APLP2: variants seen among roughly 807,000 people sequenced by gnomAD.
The protein encoded by APLP2 is CDEI box-binding protein.
Under a neutral mutation model 89.9 loss-of-function variants are expected in APLP2, and 53 were observed. The ratio of observed to expected loss-of-function variants is 0.59; its 90% CI spans 0.47 to 0.74. The LOEUF (loss-of-function observed/expected upper bound fraction) is 0.74, where lower values mean the gene tolerates loss of function less well. APLP2 is among the 30% of genes least tolerant of loss of function. The pLI, the probability that APLP2 is intolerant of heterozygous loss-of-function variation, is 0.00. For synonymous variants in APLP2, 372 were observed against 348.6 expected (o/e 1.07, Z -0.75); for missense variants, 973 against 975.9 (o/e 1.00, Z 0.04).
chr11:130,097,812 A>C (rs1946409726), intron 1 of APLP2, among the ~76,000 whole-genome samples: 1 of 152,260 alleles, frequency 6.6e-6, no homozygotes, highest in Non-Finnish European at 1.5e-5. Context: ...TTACAGAAGA[A>C]TAATTTTTAA....
rs75679966 is a variant in APLP2 at position 130,133,861 on chromosome 11, G to C, written c.1684+133G>C. The C allele has an allele frequency of 8.8e-4, 584 of 663,500 alleles. 3 individuals are homozygous for C. In the African/African-American group the frequency reaches 9.2e-3, roughly 10 times the overall value. The allele number at this position is 663,500 out of a possible 1,614,324, so 41.1% of individuals were successfully genotyped here. On this transcript the variant is annotated intron_variant, in intron 12 of 16. Coordinates refer to ENST00000338167, the MANE Select transcript of APLP2 (RefSeq NM_001142276.2). ...GGGGCATTAGCACATCCTGGCTTCA[G>C]AAGCCTGGAGTCCACTGGAGCTTTC...
At chr11:130,078,387 A>G (rs7941725) in intron 1 of APLP2, among the ~76,000 whole-genome samples, 5,160 of 150,728 alleles carry the variant, frequency 0.034, 273 homozygotes, top group African/African-American at 0.12. Context: ...GGTTATTAAG[A>G]TAATGCTGTT....
In APLP2 at chr11:130,128,489, C is replaced by T. The variant is rs143117504; in HGVS notation, c.1297-559C>T. Among the ~76,000 whole-genome samples the T allele has an allele frequency of 3.5e-3, 526 of 152,308 alleles. 1 individual carries two copies. The highest frequency in any genetic ancestry group is 0.012 in the African/African-American group (503 of 41,566). On this transcript the variant is annotated intron_variant, in intron 9 of 16. Transcript: ENST00000338167. The stretch of plus-strand genomic sequence containing the variant: ...TAACAGTTTTAATTCCTACAGAAGT[C>T]AGTGCATCTTGTTCAGGGAAATGTA...
chr11:130,107,760 A>G (rs548840171), intron 1 of APLP2, among the ~76,000 whole-genome samples: 61 of 152,342 alleles, frequency 4.0e-4, no homozygotes, highest in Non-Finnish European at 3.5e-4. Flanking sequence ...TTGCCAAGTC[A>G]ATCCTAAGCC....
At chr11:130,094,394 G>A (rs1945909418) in intron 1 of APLP2, among the ~76,000 whole-genome samples, 1 of 151,900 alleles carries the variant, frequency 6.6e-6, no homozygotes, top group Middle Eastern at 3.2e-3. Flanking sequence ...TTACGATGTT[G>A]GCCAGGCTGG....
chr11:130,073,154 G>C (rs1941451664), intron 1 of APLP2, among the ~76,000 whole-genome samples: 1 of 152,184 alleles, frequency 6.6e-6, no homozygotes, highest in Admixed American at 6.5e-5. Context: ...TGTACTGGAA[G>C]TGTAACATAC....
rs1952745644 is a variant in APLP2, at chr11:130,144,482, C to T, written c.*1034C>T. 6.6e-6 allele frequency: 1 copy of T among 152,340 alleles called. No individual in the cohort carries two copies. The highest frequency in any genetic ancestry group is 1.5e-5 in the Non-Finnish European group (1 of 68,112). The allele number at this position is 152,340 out of a possible 1,614,324, so 9.4% of individuals were successfully genotyped here. A position where few individuals can be genotyped will look rare whatever the true frequency, so the allele number is the denominator to read the frequency against. On this transcript the variant is annotated 3_prime_UTR_variant, in exon 17 of 17. Coordinates refer to ENST00000338167, the MANE Select transcript of APLP2 (RefSeq NM_001142276.2). Reference sequence around the variant, plus strand: ...AAAGTAGTCCAGGCTGTCCCTGAAACTGAGTCTGTGGACACTGTGGAAAGC... The same window carrying T: ...AAAGTAGTCCAGGCTGTCCCTGAAATTGAGTCTGTGGACACTGTGGAAAGC...
intron 1 of APLP2, among the ~76,000 whole-genome samples, chr11:130,107,476 A>T (rs1365970166): frequency 6.6e-6 from 1 of 152,234 alleles, no homozygotes; most frequent in Non-Finnish European, 1.5e-5. Context: ...TGCTTCAAAG[A>T]GAACAAAATA....
intron 1 of APLP2, among the ~76,000 whole-genome samples, chr11:130,098,160 A>G (rs1946456360): frequency 6.6e-6 from 1 of 152,036 alleles, no homozygotes; most frequent in African/African-American, 2.4e-5. Flanking sequence ...TAATCCCAGC[A>G]CTTTGGGAGG....
chr11:130,094,775 A>C (rs1945967020), intron 1 of APLP2, among the ~76,000 whole-genome samples: 1 of 152,220 alleles, frequency 6.6e-6, no homozygotes, highest in Admixed American at 6.5e-5. Context: ...AGAGGGAAGT[A>C]CTGAGTCAAA....
At chr11:130,074,396 A>C (rs1403645766) in intron 1 of APLP2, among the ~76,000 whole-genome samples, 1 of 152,032 alleles carries the variant, frequency 6.6e-6, no homozygotes, top group Non-Finnish European at 1.5e-5. Flanking sequence ...TTATATTTTT[A>C]GTAGAGACAG....
intron 1 of APLP2, among the ~76,000 whole-genome samples, chr11:130,078,747 C>G (rs1158349351): frequency 6.6e-6 from 1 of 152,102 alleles, no homozygotes; most frequent in African/African-American, 2.4e-5. Flanking sequence ...GGCTCTGTCA[C>G]CCTTGTAATC....
At position 130,141,517 on chromosome 11, in the gene APLP2, A is replaced by G. The variant is rs761694091; in HGVS notation, c.1943A>G (p.Asp648Gly). Residue 648 changes from aspartate to glycine, a missense_variant, in exon 15 of 17, where the codon GAT (aspartate) becomes GGT (glycine). Transcript: ENST00000338167. The surrounding 1 kb of genome is among the most constrained non-coding windows in gnomAD (Gnocchi z 4.2). The part of the protein sequence containing the change: ...DENMVIDETL[D>G]VKEMIFNAER... ...TTTCAGGTCATTGACGAGACTCTGGATGTTAAGGAAATGATTTTCAATGCC... is the reference window on the plus strand; with the variant it reads ...TTTCAGGTCATTGACGAGACTCTGGGTGTTAAGGAAATGATTTTCAATGCC... 7 of 1,613,912 alleles carry G rather than the reference A, an allele frequency of 4.3e-6. No individual in the cohort carries two copies. In the South Asian group the frequency reaches 7.7e-5, roughly 18 times the overall value.
At chr11:130,127,881 A>T (rs1459181657) in intron 9 of APLP2, 41 bp downstream of exon 9, 2 of 1,562,312 alleles carry the variant, frequency 1.3e-6, no homozygotes. Flanking sequence ...CAGCCTGACC[A>T]TTGGAAAATA....
At chr11:130,081,904 C>G (rs1943215113) in intron 1 of APLP2, among the ~76,000 whole-genome samples, 1 of 152,136 alleles carries the variant, frequency 6.6e-6, no homozygotes, top group Non-Finnish European at 1.5e-5. Context: ...AAAAGAACCT[C>G]TGGAAAGGAC....
intron 1 of APLP2, among the ~76,000 whole-genome samples, chr11:130,093,113 G>A (rs1294568788): frequency 1.3e-5 from 2 of 152,184 alleles, no homozygotes; most frequent in African/African-American, 2.4e-5. Context: ...ACTGAGCAGT[G>A]AAAGTCTCCC....
At chr11:130,094,073 G>A (rs1310146807) in intron 1 of APLP2, among the ~76,000 whole-genome samples, 1 of 112,452 alleles carries the variant, frequency 8.9e-6, no homozygotes, top group Non-Finnish European at 1.8e-5. Context: ...TTTTTTTTGA[G>A]ACGGAGTTTC....
intron 1 of APLP2, among the ~76,000 whole-genome samples, chr11:130,073,793 C>A (rs911249145): frequency 1.3e-5 from 2 of 152,178 alleles, no homozygotes; most frequent in Admixed American, 6.6e-5. Context: ...GATCACACCA[C>A]TGCACTCCAG....
chr11:130,073,546 A>G (rs1353619337), intron 1 of APLP2, among the ~76,000 whole-genome samples: 1 of 152,242 alleles, frequency 6.6e-6, no homozygotes, highest in Non-Finnish European at 1.5e-5. Flanking sequence ...TGTTTTACTT[A>G]GAAATAACTT....
Sources: allele counts gnomAD v4.1 joint callset (sites outside exome capture counted in the v4.1 genomes callset), GRCh38; gene constraint gnomAD v4.1.1; non-coding constraint Gnocchi (gnomAD v3.1); transcripts MANE v1.5; gene names NCBI Gene and HGNC (gene_info 2026-07-23, HGNC 2026-07-21).